The following SPOCK1 variants were observed in gnomAD, a reference collection of about 807,000 sequenced individuals.
SPOCK1 encodes the protein SPARC (osteonectin), cwcv and kazal like domains proteoglycan 1.
SPOCK1 carries 23 observed loss-of-function variants against 55.3 expected under a neutral mutation model. That is an observed-to-expected ratio of 0.42 (90% CI 0.30 to 0.59). The LOEUF (loss-of-function observed/expected upper bound fraction) is 0.59, where lower values mean the gene tolerates loss of function less well. SPOCK1 is among the 20% of genes least tolerant of loss of function. The pLI, the probability that SPOCK1 is intolerant of heterozygous loss-of-function variation, is 0.22. For synonymous variants in SPOCK1, 226 were observed against 221.0 expected (o/e 1.02, Z -0.20); for missense variants, 499 against 552.5 (o/e 0.90, Z 0.97).
At chr5:137,090,515 T>C (rs531053490) in intron 5 of SPOCK1, among the ~76,000 whole-genome samples, 2 of 152,252 alleles carry the variant, frequency 1.3e-5, no homozygotes, top group East Asian at 1.9e-4. Flanking sequence ...AGTTAAGAGA[T>C]AGCTAGGATT....
At chr5:136,986,359 C>A (rs954186254) in intron 8 of SPOCK1, among the ~76,000 whole-genome samples, 2 of 152,052 alleles carry the variant, frequency 1.3e-5, no homozygotes. Flanking sequence ...TGTAAGGAAA[C>A]CATGCTAAAA....
intron 2 of SPOCK1, among the ~76,000 whole-genome samples, chr5:137,300,437 G>A (rs956079713): frequency 1.5e-4 from 23 of 152,136 alleles, no homozygotes; most frequent in African/African-American, 5.1e-4. Flanking sequence ...GATTTGTATT[G>A]TATAGAACAT....
At chr5:137,416,989 G>A (rs1752348322) in intron 2 of SPOCK1, among the ~76,000 whole-genome samples, 1 of 152,054 alleles carries the variant, frequency 6.6e-6, no homozygotes, top group Non-Finnish European at 1.5e-5. Context: ...TCCTCTCATT[G>A]TGAAGTTGTA....
At chr5:137,445,505 A>G (rs899476035) in intron 2 of SPOCK1, among the ~76,000 whole-genome samples, 1 of 152,208 alleles carries the variant, frequency 6.6e-6, no homozygotes, top group Non-Finnish European at 1.5e-5. Flanking sequence ...ACAAGAAGTA[A>G]TGTACAAGGT....
chr5:137,475,312 C>G (rs1561545473), intron 2 of SPOCK1, among the ~76,000 whole-genome samples: 2 of 152,082 alleles, frequency 1.3e-5, no homozygotes, highest in Non-Finnish European at 2.9e-5. Flanking sequence ...CAAATGGTAG[C>G]AGTACTCTTC....
intron 3 of SPOCK1, among the ~76,000 whole-genome samples, chr5:137,242,553 A>G (rs907095139): frequency 2.3e-4 from 35 of 152,180 alleles, no homozygotes; most frequent in Non-Finnish European, 4.0e-4. Flanking sequence ...ATGAAAATGG[A>G]CTAATACACT....
At chr5:137,320,869 G>A (rs1363490264) in intron 2 of SPOCK1, among the ~76,000 whole-genome samples, 3 of 152,124 alleles carry the variant, frequency 2.0e-5, no homozygotes, top group African/African-American at 7.2e-5. Context: ...AAGTAATGGG[G>A]AAACACAGCC....
chr5:137,030,950 G>A (rs537063652), intron 6 of SPOCK1, among the ~76,000 whole-genome samples: 4 of 152,208 alleles, frequency 2.6e-5, no homozygotes, highest in East Asian at 3.9e-4. Flanking sequence ...AGAAAAGTAG[G>A]TTCCAAGGCA....
intron 6 of SPOCK1, among the ~76,000 whole-genome samples, chr5:137,042,330 G>A (rs1006723552): frequency 2.0e-5 from 3 of 152,112 alleles, no homozygotes; most frequent in Non-Finnish European, 4.4e-5. Context: ...AAAAGATGAA[G>A]CACAGAGAAT....
At chr5:137,424,534 C>T (rs12152878) in intron 2 of SPOCK1, among the ~76,000 whole-genome samples, 3,738 of 152,278 alleles carry the variant, frequency 0.025, 73 homozygotes, top group Non-Finnish European at 0.034. Flanking sequence ...TGAATGCTCA[C>T]GGCAAACAAA....
chr5:137,460,329 A>G (rs1753456630), intron 2 of SPOCK1, among the ~76,000 whole-genome samples: 1 of 152,148 alleles, frequency 6.6e-6, no homozygotes, highest in Admixed American at 6.5e-5. Context: ...ATGCTTAACA[A>G]TCTTCACTGC....
chr5:137,358,618 C>CAGCCGTATCTTTCCACCAACCATGACA (rs1750874817), intron 2 of SPOCK1, among the ~76,000 whole-genome samples: 1 of 152,106 alleles, frequency 6.6e-6, no homozygotes, highest in South Asian at 2.1e-4. Flanking sequence ...TCTCCCCAGA[C>CAGCCGTATCTTTCCACCAACCATGACA]AGCCGTATCT....
At chr5:137,207,374 T>C (rs1244288305) in intron 3 of SPOCK1, among the ~76,000 whole-genome samples, 1 of 152,254 alleles carries the variant, frequency 6.6e-6, no homozygotes, top group Non-Finnish European at 1.5e-5. Context: ...TTTAGTATTA[T>C]GTAGTAGAAG....
At chr5:137,247,043 A>G (rs558223817) in intron 3 of SPOCK1, among the ~76,000 whole-genome samples, 36 of 152,346 alleles carry the variant, frequency 2.4e-4, no homozygotes, top group South Asian at 1.4e-3. Context: ...TTTGGAGGAC[A>G]TCTAAAGTTG....
intron 2 of SPOCK1, among the ~76,000 whole-genome samples, chr5:137,343,677 C>G (rs983269287): frequency 6.6e-6 from 1 of 152,202 alleles, no homozygotes; most frequent in South Asian, 2.1e-4. Flanking sequence ...CAATCCCAAC[C>G]CTCTACTTTT....
chr5:137,181,802 A>G (rs1033602032), intron 3 of SPOCK1, among the ~76,000 whole-genome samples: 1 of 152,190 alleles, frequency 6.6e-6, no homozygotes, highest in African/African-American at 2.4e-5. Context: ...TGATAATCTA[A>G]ATCGGGCTGG....
chr5:137,019,081 G>T (rs1053264234), intron 6 of SPOCK1, among the ~76,000 whole-genome samples: 2 of 152,018 alleles, frequency 1.3e-5, no homozygotes, highest in African/African-American at 2.4e-5. Context: ...TACAAAATTG[G>T]CAGACATTAA....
chr5:137,286,971 C>A (rs1292452534), intron 2 of SPOCK1, among the ~76,000 whole-genome samples: 1 of 152,180 alleles, frequency 6.6e-6, no homozygotes, highest in Non-Finnish European at 1.5e-5. Flanking sequence ...TAAAAGGCAA[C>A]AGGAGGTGCT....
At chr5:137,185,554 C>G (rs904631052) in intron 3 of SPOCK1, among the ~76,000 whole-genome samples, 2 of 152,144 alleles carry the variant, frequency 1.3e-5, no homozygotes, top group African/African-American at 4.8e-5. Context: ...ACTTTAATAC[C>G]TGACAGCTTT....
Sources: gnomAD v4.1 joint callset for allele counts (sites outside exome capture counted in the v4.1 genomes callset) on GRCh38, gnomAD v4.1.1 for gene constraint, MANE v1.5 for transcripts, NCBI Gene and HGNC (gene_info 2026-07-23, HGNC 2026-07-21) for gene names.